Variants in RANBP17 observed in about 807,000 individuals in gnomAD.
RANBP17 encodes the protein RAN binding protein 17.
Under a neutral mutation model 141.2 loss-of-function variants are expected in RANBP17, and 158 were observed. That is an observed-to-expected ratio of 1.12 (90% CI 0.98 to 1.28). RANBP17 has a LOEUF of 1.28. Ranked by LOEUF, RANBP17 falls within the 50% of genes most tolerant of loss-of-function variation. The pLI, the probability that RANBP17 is intolerant of heterozygous loss-of-function variation, is 0.00. For synonymous variants in RANBP17, 430 were observed against 450.0 expected (o/e 0.96, Z 0.56); for missense variants, 1,438 against 1,290.7 (o/e 1.11, Z -1.75).
intron 14 of RANBP17, among the ~76,000 whole-genome samples, chr5:171,120,048 A>AAAG (rs1402608663): frequency 6.6e-6 from 1 of 151,624 alleles, no homozygotes; most frequent in Non-Finnish European, 1.5e-5. Flanking sequence ...AAAAAAAAAA[A>AAAG]AAAAAAAAAT....
intron 12 of RANBP17, among the ~76,000 whole-genome samples, chr5:170,940,006 A>G (rs551447894): frequency 7.2e-5 from 11 of 152,324 alleles, no homozygotes; most frequent in Middle Eastern, 3.4e-3. Flanking sequence ...ACCAGAGACA[A>G]TAGGACAATA....
At chr5:171,224,702 C>T (rs536704194) in intron 22 of RANBP17, among the ~76,000 whole-genome samples, 2 of 152,036 alleles carry the variant, frequency 1.3e-5, no homozygotes, top group South Asian at 4.2e-4. Flanking sequence ...AGAGACAAAA[C>T]GTCCAGAGCA....
At chr5:171,093,714 A>G (rs756158217) in intron 14 of RANBP17, among the ~76,000 whole-genome samples, 1 of 152,208 alleles carries the variant, frequency 6.6e-6, no homozygotes, top group Non-Finnish European at 1.5e-5. Context: ...TTAAGTATGT[A>G]TGTATCACAC....
chr5:171,113,468 G>A (rs1167575833), intron 14 of RANBP17, among the ~76,000 whole-genome samples: 1 of 151,980 alleles, frequency 6.6e-6, no homozygotes, highest in Non-Finnish European at 1.5e-5. Flanking sequence ...CTCTTATAAT[G>A]TAATAGATAT....
At chr5:171,252,849 T>C in intron 24 of RANBP17, 1 of 1,293,560 alleles carries the variant, frequency 7.7e-7, no homozygotes, top group South Asian at 1.2e-5. Flanking sequence ...TTAAGAGTCA[T>C]GATTTTTGGT....
At chr5:170,889,815 G>A (rs78328963) in intron 3 of RANBP17, among the ~76,000 whole-genome samples, 4,451 of 152,070 alleles carry the variant, frequency 0.029, 219 homozygotes, top group African/African-American at 0.099. Context: ...TTTCTTCTTA[G>A]TATGGCTTTT....
intron 14 of RANBP17, among the ~76,000 whole-genome samples, chr5:171,014,609 G>A (rs1202364531): frequency 6.6e-6 from 1 of 151,812 alleles, no homozygotes; most frequent in African/African-American, 2.4e-5. Context: ...TTGTTCTATT[G>A]TTGTCATATA....
chr5:170,912,818 T>C (rs1288946680), intron 7 of RANBP17, among the ~76,000 whole-genome samples: 6 of 151,866 alleles, frequency 4.0e-5, no homozygotes, highest in Non-Finnish European at 1.5e-5. Context: ...CCCAAAATGT[T>C]CTGAGTTCTG....
chr5:171,123,247 C>T (rs1756176354), intron 14 of RANBP17, among the ~76,000 whole-genome samples: 1 of 152,170 alleles, frequency 6.6e-6, no homozygotes, highest in Non-Finnish European at 1.5e-5. Context: ...ATGCCACCTG[C>T]TGGTACCCAC....
chr5:171,070,889 T>G (rs1784593149), intron 14 of RANBP17, among the ~76,000 whole-genome samples: 1 of 152,134 alleles, frequency 6.6e-6, no homozygotes, highest in Non-Finnish European at 1.5e-5. Flanking sequence ...TTCCATTTTA[T>G]GAAAGTCCCA....
At chr5:171,106,554 T>C (rs1000389476) in intron 14 of RANBP17, among the ~76,000 whole-genome samples, 1 of 152,212 alleles carries the variant, frequency 6.6e-6, no homozygotes, top group Non-Finnish European at 1.5e-5. Flanking sequence ...ATGGAAGTAG[T>C]ATTCATTAAA....
chr5:170,969,847 TC>T (rs1212013449), intron 14 of RANBP17, among the ~76,000 whole-genome samples: 5 of 152,030 alleles, frequency 3.3e-5, no homozygotes, highest in Non-Finnish European at 7.4e-5. Context: ...TGGTATTGAC[TC>T]CTTTATTGTA....
intron 21 of RANBP17, among the ~76,000 whole-genome samples, chr5:171,218,784 C>T (rs1307698553): frequency 1.3e-5 from 2 of 150,928 alleles, no homozygotes; most frequent in African/African-American, 2.4e-5. Context: ...TATTTCGAGC[C>T]TGTCTGTGTT....
chr5:171,163,082 C>T (rs1759459923), intron 14 of RANBP17, among the ~76,000 whole-genome samples: 1 of 152,146 alleles, frequency 6.6e-6, no homozygotes, highest in African/African-American at 2.4e-5. Context: ...GTTCCTTATT[C>T]AACTGAATGA....
chr5:171,120,901 A>T (rs1755986411), intron 14 of RANBP17, among the ~76,000 whole-genome samples: 1 of 152,210 alleles, frequency 6.6e-6, no homozygotes, highest in Non-Finnish European at 1.5e-5. Context: ...TTTTTCATTG[A>T]TAGACAAAGA....
intron 18 of RANBP17, among the ~76,000 whole-genome samples, chr5:171,184,716 G>A (rs774189642): frequency 6.6e-6 from 1 of 152,080 alleles, no homozygotes; most frequent in Non-Finnish European, 1.5e-5. Flanking sequence ...TATATTGCAG[G>A]TTTAGTTCCA....
At chr5:171,125,065 C>T (rs527805065) in intron 14 of RANBP17, among the ~76,000 whole-genome samples, 4 of 152,180 alleles carry the variant, frequency 2.6e-5, no homozygotes, top group Admixed American at 1.3e-4. Context: ...GAGGCCGAGG[C>T]GGGCAGATCA....
At chr5:170,922,806 T>G (rs1184315445) in intron 11 of RANBP17, among the ~76,000 whole-genome samples, 1 of 152,136 alleles carries the variant, frequency 6.6e-6, no homozygotes, top group Admixed American at 6.5e-5. Flanking sequence ...CTGCTTCAGC[T>G]TGCCCTCCGT....
At chr5:171,043,555 A>T (rs1782384725) in intron 14 of RANBP17, among the ~76,000 whole-genome samples, 2 of 152,162 alleles carry the variant, frequency 1.3e-5, no homozygotes, top group Non-Finnish European at 2.9e-5. Context: ...TCATTGTTAG[A>T]TCACATAGGC....
Sources: gnomAD v4.1 joint callset for allele counts (sites outside exome capture counted in the v4.1 genomes callset) on GRCh38, gnomAD v4.1.1 for gene constraint, MANE v1.5 for transcripts, NCBI Gene and HGNC (gene_info 2026-07-23, HGNC 2026-07-21) for gene names.